PIBF1: variants seen among roughly 807,000 people sequenced by gnomAD.
PIBF1 encodes the protein progesterone immunomodulatory binding factor 1.
PIBF1 carries 90 observed loss-of-function variants against 112.5 expected under a neutral mutation model. The ratio of observed to expected loss-of-function variants is 0.80; its 90% CI spans 0.67 to 0.95. PIBF1 has a LOEUF of 0.95. Among genes scored for constraint, PIBF1 ranks in the 40% least tolerant of loss-of-function variants. The probability of loss-of-function intolerance (pLI) is 0.00; values close to 1 mark genes in which losing one functional copy is unlikely to be tolerated. For synonymous variants in PIBF1, 301 were observed against 288.6 expected (o/e 1.04, Z -0.44); for missense variants, 915 against 852.3 (o/e 1.07, Z -0.92).
At chr13:72,864,634 A>G (rs1180000863) in intron 10 of PIBF1, among the ~76,000 whole-genome samples, 1 of 152,132 alleles carries the variant, frequency 6.6e-6, no homozygotes, top group East Asian at 1.9e-4. Context: ...ATAGATTTAC[A>G]TTTGGTAAAT....
intron 10 of PIBF1, among the ~76,000 whole-genome samples, chr13:72,859,487 T>C (rs2038596800): frequency 6.6e-6 from 1 of 152,186 alleles, no homozygotes; most frequent in Admixed American, 6.5e-5. Context: ...TGCAGTACTA[T>C]ATTTCTGCAT....
intron 14 of PIBF1, among the ~76,000 whole-genome samples, chr13:72,957,256 C>G (rs1285043489): frequency 6.6e-6 from 1 of 152,106 alleles, no homozygotes; most frequent in Non-Finnish European, 1.5e-5. Flanking sequence ...AAATATGGAA[C>G]CAGCTCAAAT....
chr13:73,001,559 G>C (rs1240327362), intron 17 of PIBF1, among the ~76,000 whole-genome samples: 1 of 118,188 alleles, frequency 8.5e-6, no homozygotes, highest in Non-Finnish European at 1.7e-5. Context: ...CTGTGACGCA[G>C]AGGAGGAGAA....
At chr13:72,980,590 T>C (rs1320566938) in intron 16 of PIBF1, among the ~76,000 whole-genome samples, 1 of 150,770 alleles carries the variant, frequency 6.6e-6, no homozygotes, top group African/African-American at 2.4e-5. Context: ...AGCTCAGGAG[T>C]TCAAGACCAG....
At chr13:72,845,986 C>T (rs2037857347) in intron 9 of PIBF1, among the ~76,000 whole-genome samples, 1 of 152,138 alleles carries the variant, frequency 6.6e-6, no homozygotes, top group African/African-American at 2.4e-5. Context: ...CTCCCTACTC[C>T]TGGGAACACA....
At position 72,820,916 on chromosome 13, in the gene PIBF1, CTTA is replaced by C. The variant is rs2036529893; in HGVS notation, c.673-928_673-926del. ...TTTCTTTTTTAGCTTTTATTTAATT[CTTA>C]TTATATACCTGGCAGTGTTTAAAGT... On this transcript the variant is annotated intron_variant, in intron 5 of 17. Coordinates refer to ENST00000326291, the MANE Select transcript of PIBF1 (RefSeq NM_006346.4). Among the ~76,000 whole-genome samples the C allele has an allele frequency of 2.0e-5, 3 of 152,126 alleles. No individual in the cohort carries two copies. The South Asian group carries it at 6.2e-4, about 31-fold the overall frequency.
chr13:72,956,110 CTG>C (rs1333486744), intron 14 of PIBF1, among the ~76,000 whole-genome samples: 3 of 152,112 alleles, frequency 2.0e-5, no homozygotes, highest in Admixed American at 2.0e-4. Flanking sequence ...TTGTGGAAAT[CTG>C]TGTGACTCGT....
chr13:72,784,349 G>A (rs920777290), intron 2 of PIBF1, among the ~76,000 whole-genome samples: 2 of 151,850 alleles, frequency 1.3e-5, no homozygotes, highest in African/African-American at 4.8e-5. Flanking sequence ...GGGAGGCTGA[G>A]GCAGGAGAAT....
chr13:72,904,192 T>C (rs2040599666), intron 11 of PIBF1, among the ~76,000 whole-genome samples: 1 of 151,956 alleles, frequency 6.6e-6, no homozygotes, highest in Non-Finnish European at 1.5e-5. Flanking sequence ...TGAAGGTTTA[T>C]TTTACAGTTA....
intron 2 of PIBF1, among the ~76,000 whole-genome samples, chr13:72,790,216 A>G (rs569449359): frequency 6.6e-6 from 1 of 152,274 alleles, no homozygotes; most frequent in South Asian, 2.1e-4. Context: ...AAATGGCACT[A>G]AAATAATAGA....
intron 9 of PIBF1, among the ~76,000 whole-genome samples, chr13:72,844,727 T>TCACA (rs2037756633): frequency 1.8e-5 from 1 of 54,222 alleles, no homozygotes; most frequent in Non-Finnish European, 3.4e-5. Flanking sequence ...GTAATTTTAT[T>TCACA]TACACACACA....
At chr13:72,948,256 A>G (rs2042202527) in intron 14 of PIBF1, among the ~76,000 whole-genome samples, 1 of 152,184 alleles carries the variant, frequency 6.6e-6, no homozygotes, top group Non-Finnish European at 1.5e-5. Flanking sequence ...TTCTTCCCCC[A>G]GATACCCTAA....
At chr13:72,838,259 A>C (rs1379255631) in intron 9 of PIBF1, among the ~76,000 whole-genome samples, 1 of 152,308 alleles carries the variant, frequency 6.6e-6, no homozygotes, top group East Asian at 1.9e-4. Flanking sequence ...GGGTAAAGAC[A>C]AATAGAGAAA....
At chr13:72,913,927 T>G (rs943735533) in intron 12 of PIBF1, among the ~76,000 whole-genome samples, 1 of 152,234 alleles carries the variant, frequency 6.6e-6, no homozygotes, top group Admixed American at 6.5e-5. Flanking sequence ...TTACCTGTAC[T>G]AGAAGATCAG....
At chr13:72,872,437 G>A (rs750811367) in intron 10 of PIBF1, among the ~76,000 whole-genome samples, 4 of 152,112 alleles carry the variant, frequency 2.6e-5, no homozygotes, top group Non-Finnish European at 5.9e-5. Context: ...TAGAAATAGA[G>A]TTGACATATA....
Position 73,016,023 on chromosome 13 carries a change from A to G in PIBF1, c.*104A>G. On this transcript the variant is annotated 3_prime_UTR_variant, in exon 18 of 18. Coordinates refer to ENST00000326291, the MANE Select transcript of PIBF1 (RefSeq NM_006346.4). The stretch of plus-strand genomic sequence containing the variant: ...ATCGTGTACTCAGCATTTTTTAAAT[A>G]ACAATGTTTATTTGAACTAATATTA... 2.1e-6 allele frequency: 1 copy of G among 475,476 alleles called. No homozygotes were observed. Among genetic ancestry groups the G allele is most frequent in the Non-Finnish European group, 3.6e-6 (1 of 274,750 alleles). The allele number at this position is 475,476 out of a possible 1,614,324, so 29.5% of individuals were successfully genotyped here.
At chr13:72,848,090 C>CT (rs1451723390) in intron 9 of PIBF1, among the ~76,000 whole-genome samples, 3 of 152,132 alleles carry the variant, frequency 2.0e-5, no homozygotes, top group Non-Finnish European at 4.4e-5. Flanking sequence ...CTGCTGAGCT[C>CT]TTCTGATAGC....
chr13:72,874,756 G>A (rs1594101418), intron 10 of PIBF1, among the ~76,000 whole-genome samples: 1 of 152,252 alleles, frequency 6.6e-6, no homozygotes, highest in East Asian at 1.9e-4. Context: ...TTTTTAAATG[G>A]CTTAAGTGGC....
chr13:72,940,831 C>T (rs761002789), intron 14 of PIBF1, among the ~76,000 whole-genome samples: 1 of 152,118 alleles, frequency 6.6e-6, no homozygotes, highest in Non-Finnish European at 1.5e-5. Flanking sequence ...TATGCCTTGC[C>T]CATGTTCACT....
Sources: gnomAD v4.1 joint callset for allele counts (sites outside exome capture counted in the v4.1 genomes callset) on GRCh38, gnomAD v4.1.1 for gene constraint, MANE v1.5 for transcripts, NCBI Gene and HGNC (gene_info 2026-07-23, HGNC 2026-07-21) for gene names.